WBP11: variants seen among roughly 807,000 people sequenced by gnomAD.
WBP11 encodes the protein WW domain binding protein 11, also known as WW domain-binding protein 11.
In WBP11, 12 loss-of-function variants were observed where a neutral mutation model predicts 66.7. That is an observed-to-expected ratio of 0.18 (90% CI 0.12 to 0.29). WBP11 has a LOEUF of 0.29. WBP11 is among the 10% of genes least tolerant of loss of function. The pLI is 1.00. For missense variants in WBP11, 555 were observed against 818.3 expected, an observed-to-expected ratio of 0.68 and a Z score of 3.93; for synonymous variants, 255 against 273.8, an observed-to-expected ratio of 0.93 and a Z score of 0.68.
chr12:14,802,221 T>C (rs537632026), intron 1 of WBP11, among the ~76,000 whole-genome samples: 8 of 152,354 alleles, frequency 5.3e-5, no homozygotes, highest in Admixed American at 2.0e-4. Flanking sequence ...CACAGTACCC[T>C]ATTACATGAC....
In WBP11 at chr12:14,793,851, C is replaced by T; in HGVS notation, c.793G>A (p.Asp265Asn). Residue 265 changes from aspartate (D) to asparagine (N), a missense_variant, in exon 8 of 12, where the codon GAT becomes AAT. By Grantham distance (23) the Asp-to-Asn change is conservative (BLOSUM62 1). Around this residue, in one of 6 missense-constraint regions of WBP11, gnomAD observed 220 missense variants for 268.2 expected, o/e 0.82. Transcript: ENST00000261167. ...DDGYPEDMDQ[D>N]KHDDSTDDSD... is the part of the protein sequence containing the mutation. ...TCATCAGTACTGTCATCATGCTTAT[C>T]TTGATCCATGTCCTCAGGATAGCCA... The T allele has an allele frequency of 6.2e-7, 1 of 1,614,050 alleles. No individual in the cohort carries two copies. The highest frequency in any genetic ancestry group is 8.5e-7 in the Non-Finnish European group (1 of 1,179,976).
At chr12:14,797,869 A>T (rs1592221907) in intron 4 of WBP11, among the ~76,000 whole-genome samples, 2 of 152,300 alleles carry the variant, frequency 1.3e-5, no homozygotes, top group Admixed American at 6.5e-5. Flanking sequence ...CATTAGTAGT[A>T]AGCTGAATGA....
chr12:14,801,571 C>G (rs1949963025), intron 1 of WBP11, 143 bp from the exon 2 acceptor site: 2 of 550,488 alleles, frequency 3.6e-6, no homozygotes. Context: ...ACTTTAATGT[C>G]CAAGAAAGAT....
intron 8 of WBP11, among the ~76,000 whole-genome samples, chr12:14,793,128 TAAAC>T (rs1263205122): frequency 6.6e-6 from 1 of 152,226 alleles, no homozygotes; most frequent in Non-Finnish European, 1.5e-5. Flanking sequence ...GTAGGCCACA[TAAAC>T]AATCCCAAAA....
At position 14,789,248 on chromosome 12, in the gene WBP11, A is replaced by C. The variant is rs539797040; in HGVS notation, c.1310-115T>G. The C allele has an allele frequency of 2.2e-4, 210 of 965,940 alleles. No homozygotes were observed. In the African/African-American group the frequency reaches 3.4e-3, roughly 16 times the overall value. The allele number at this position is 965,940 out of a possible 1,614,324, so 59.8% of individuals were successfully genotyped here. ...TTAACCTGAAATCAGATTAACTTCA[A>C]GAAGTTAATGAAACATACATGGAAA... On this transcript the variant is annotated intron_variant, in intron 10 of 11. Coordinates refer to ENST00000261167, the MANE Select transcript of WBP11 (RefSeq NM_016312.3).
intron 5 of WBP11, among the ~76,000 whole-genome samples, chr12:14,795,538 T>A (rs1397457739): frequency 6.6e-6 from 1 of 152,128 alleles, no homozygotes; most frequent in Non-Finnish European, 1.5e-5. Context: ...GAGACCAGCC[T>A]GGCCAATATG....
chr12:14,794,830 G>C (rs2137235967), intron 6 of WBP11, 94 bp from the exon 7 acceptor site: 1 of 1,541,988 alleles, frequency 6.5e-7, no homozygotes, highest in Non-Finnish European at 8.7e-7. Flanking sequence ...ATTTTCAAGG[G>C]ATTTCTTATT....
chr12:14,789,002 C>G lies in WBP11; in HGVS notation c.1441G>C (p.Gly481Arg). ...GGTGGGGGTCCACGAGGAGGGGGAC[C>G]AGGAGGCAGACCTGGAGGTGGACCT... The part of the protein sequence containing the change: ...PPGPPPGLPP[G>R]PPPRGPPPRL... Residue 481 changes from glycine (G) to arginine (R), a missense_variant, in exon 11 of 12, where the codon GGT becomes CGT. Physicochemically the swap from Gly to Arg is moderately radical, Grantham distance 125. Around this residue, in one of 6 missense-constraint regions of WBP11, gnomAD observed 230 missense variants for 286.3 expected, o/e 0.80. Coordinates refer to ENST00000261167, the MANE Select transcript of WBP11 (RefSeq NM_016312.3). 1 of 1,483,456 alleles carries G rather than the reference C, an allele frequency of 6.7e-7. No homozygotes were observed. Among genetic ancestry groups the G allele is most frequent in the Non-Finnish European group, 8.9e-7 (1 of 1,126,476 alleles). 91.9% of individuals were successfully genotyped at this position (1,483,456 alleles called of 1,614,324 possible).
rs752438572 is a variant in WBP11, at chr12:14,787,517, CAAG to C, written c.1493-22_1493-20del. On this transcript the variant is annotated intron_variant, in intron 11 of 11. Coordinates refer to ENST00000261167, the MANE Select transcript of WBP11 (RefSeq NM_016312.3). ...GGAATACCTAAATGAATAAAATAGG[CAAG>C]ATGAATACTGTAAGAACTAATAAAA... is the stretch of plus-strand genomic sequence containing the variant. 1 of 1,487,272 alleles carries C rather than the reference CAAG, an allele frequency of 6.7e-7. No homozygotes were observed. The allele number at this position is 1,487,272 out of a possible 1,614,324, so 92.1% of individuals were successfully genotyped here. A position where few individuals can be genotyped will look rare whatever the true frequency, so the allele number is the denominator to read the frequency against.
chr12:14,794,933 T>A, intron 6 of WBP11, 38 bp downstream of exon 6: 1 of 1,612,202 alleles, frequency 6.2e-7, no homozygotes, highest in African/African-American at 1.3e-5. Flanking sequence ...ACTTGTGCCT[T>A]TACTAAATGC....
intron 3 of WBP11, among the ~76,000 whole-genome samples, chr12:14,800,051 CCT>C (rs1221419977): frequency 6.6e-6 from 1 of 151,892 alleles, no homozygotes; most frequent in Non-Finnish European, 1.5e-5. Flanking sequence ...GTTCCTGCCC[CCT>C]GTTGTAAAAC....
rs569433883 is a variant in WBP11, at chr12:14,801,642, G to A, written c.-45-214C>T. On this transcript the variant is annotated intron_variant, in intron 1 of 11. Coordinates refer to ENST00000261167, the MANE Select transcript of WBP11 (RefSeq NM_016312.3). The stretch of plus-strand genomic sequence containing the variant: ...CTATCATTCTTCAGAAATGTGATGA[G>A]TGTGAAGACCACTTTGAATATCCTC... Among the ~76,000 whole-genome samples, 68 of 152,252 alleles carry A rather than the reference G, an allele frequency of 4.5e-4. 2 individuals carry two copies. The highest frequency in any genetic ancestry group is 3.5e-3 in the Admixed American group (53 of 15,296).
intron 7 of WBP11, 87 bp downstream of exon 7, chr12:14,794,450 T>G: frequency 6.9e-7 from 1 of 1,447,676 alleles, no homozygotes; most frequent in Non-Finnish European, 9.7e-7. Flanking sequence ...ATTTACTTTC[T>G]AAGTTCTGAG....
chr12:14,800,734 A>G lies in WBP11; in HGVS notation c.96+18T>C, dbSNP rs1364085270. On this transcript the variant is annotated intron_variant, in intron 3 of 11. Transcript: ENST00000261167. ...CAAACAATACTTAAAGTTTTATAAG[A>G]TGCCTCTAAAATCATACCTTCTTTA... 4 of 1,599,832 alleles carry G rather than the reference A, an allele frequency of 2.5e-6. No homozygotes were observed. The South Asian group carries it at 4.5e-5, about 18-fold the overall frequency.
intron 1 of WBP11, 58 bp downstream of exon 1, chr12:14,803,294 G>A: frequency 2.5e-6 from 1 of 396,782 alleles, no homozygotes; most frequent in East Asian, 3.6e-5. Context: ...CCGCTGCGCG[G>A]GACGTGGAAG....
At chr12:14,793,652 C>T (rs979975867) in intron 8 of WBP11, 79 bp downstream of exon 8, 2 of 1,488,966 alleles carry the variant, frequency 1.3e-6, no homozygotes, top group African/African-American at 1.4e-5. Flanking sequence ...AGTACTCTCA[C>T]AGATTCATTA....
intron 3 of WBP11, 87 bp downstream of exon 3, chr12:14,800,665 A>C: frequency 8.1e-7 from 1 of 1,229,508 alleles, no homozygotes; most frequent in Non-Finnish European, 1.2e-6. Flanking sequence ...AAAATATTAG[A>C]AATGTTATTC....
intron 1 of WBP11, chr12:14,802,094 A>C (rs1326800726): frequency 1.3e-5 from 2 of 152,248 alleles, no homozygotes; most frequent in African/African-American, 4.8e-5. Context: ...TTAAATATTA[A>C]GACACATATT....
chr12:14,803,309 G>A (rs1277574168), intron 1 of WBP11, 43 bp downstream of exon 1: 2 of 397,290 alleles, frequency 5.0e-6, no homozygotes, highest in East Asian at 3.6e-5. Flanking sequence ...TGGAAGGGAC[G>A]AAAGAGGTGA....
Sources: gnomAD v4.1 joint callset for allele counts (sites outside exome capture counted in the v4.1 genomes callset) on GRCh38, gnomAD v4.1.1 for gene constraint, gnomAD v4.1.1 regional missense constraint, MANE v1.5 for transcripts, NCBI Gene and HGNC (gene_info 2026-07-23, HGNC 2026-07-21) for gene names.